WDR70: variants seen among roughly 807,000 people sequenced by gnomAD.
The protein encoded by WDR70 is WD repeat domain 70, also known as WD repeat-containing protein 70.
Under a neutral mutation model 88.6 loss-of-function variants are expected in WDR70, and 53 were observed. The ratio of observed to expected loss-of-function variants is 0.60; its 90% CI spans 0.48 to 0.75. The LOEUF is 0.75. Ranked by LOEUF, WDR70 falls within the 30% of genes least tolerant of loss-of-function variation. WDR70 has a pLI of 0.00. For missense variants in WDR70, 610 were observed against 823.2 expected (o/e 0.74, Z 3.17); for synonymous variants, 280 against 270.0 (o/e 1.04, Z -0.36).
chr5:37,742,304 G>A (rs2972939), intron 17 of WDR70, among the ~76,000 whole-genome samples: 107,896 of 149,286 alleles, frequency 0.72, 44,127 homozygotes, highest in East Asian at 0.93. Flanking sequence ...CTTGTGGTGA[G>A]GTGGTATCTC....
intron 9 of WDR70, among the ~76,000 whole-genome samples, chr5:37,570,005 C>T (rs958122569): frequency 6.6e-6 from 1 of 151,954 alleles, no homozygotes; most frequent in Non-Finnish European, 1.5e-5. Context: ...GATTAGAAAC[C>T]AGGTTATGCA....
chr5:37,583,098 C>T (rs989417771), intron 9 of WDR70, among the ~76,000 whole-genome samples: 4 of 152,168 alleles, frequency 2.6e-5, no homozygotes, highest in East Asian at 1.9e-4. Flanking sequence ...TTCTTCCGCC[C>T]GTACACATAG....
intron 10 of WDR70, among the ~76,000 whole-genome samples, chr5:37,606,962 A>G (rs1345384243): frequency 5.7e-5 from 7 of 123,456 alleles, no homozygotes; most frequent in African/African-American, 1.9e-4. Flanking sequence ...CTTTTTTGAC[A>G]GAGTCTTTCT....
chr5:37,699,939 T>A (rs1224114390), intron 11 of WDR70, among the ~76,000 whole-genome samples: 2 of 149,470 alleles, frequency 1.3e-5, no homozygotes, highest in African/African-American at 4.9e-5. Context: ...AGAGCAAGAC[T>A]CTGTCTCAAA....
intron 5 of WDR70, among the ~76,000 whole-genome samples, chr5:37,436,777 G>GT (rs1465906868): frequency 3.3e-5 from 5 of 152,004 alleles, no homozygotes; most frequent in East Asian, 1.9e-4. Flanking sequence ...TTTAGTTTTT[G>GT]TTTTTTTACT....
intron 7 of WDR70, among the ~76,000 whole-genome samples, chr5:37,468,676 T>C (rs868361425): frequency 1.3e-5 from 2 of 152,160 alleles, no homozygotes; most frequent in South Asian, 2.1e-4. Flanking sequence ...TACTATGCAA[T>C]AGGACACCAG....
intron 9 of WDR70, among the ~76,000 whole-genome samples, chr5:37,560,476 T>C (rs1447730152): frequency 6.6e-6 from 1 of 152,196 alleles, no homozygotes; most frequent in Non-Finnish European, 1.5e-5. Flanking sequence ...GTAAGCTGTA[T>C]GTCTATAGTT....
chr5:37,410,677 G>T (rs1273277260), intron 5 of WDR70, among the ~76,000 whole-genome samples: 1 of 152,102 alleles, frequency 6.6e-6, no homozygotes, highest in Non-Finnish European at 1.5e-5. Flanking sequence ...TAAATGGTAT[G>T]TACAGAGTAC....
intron 10 of WDR70, among the ~76,000 whole-genome samples, chr5:37,655,321 A>C (rs540472990): frequency 6.6e-6 from 1 of 152,282 alleles, no homozygotes; most frequent in African/African-American, 2.4e-5. Context: ...TGTTAGTCTG[A>C]TGGGCTTCCT....
At chr5:37,688,643 C>T (rs1168946437) in intron 10 of WDR70, among the ~76,000 whole-genome samples, 1 of 151,648 alleles carries the variant, frequency 6.6e-6, no homozygotes, top group East Asian at 1.9e-4. Context: ...TTCGTTTGTC[C>T]TAGGAACAGA....
At chr5:37,617,245 G>A (rs2112497532) in intron 10 of WDR70, among the ~76,000 whole-genome samples, 1 of 152,262 alleles carries the variant, frequency 6.6e-6, no homozygotes, top group African/African-American at 2.4e-5. Context: ...TTTGGAGCCA[G>A]GAACTCTGAC....
chr5:37,428,183 TTTG>T (rs1361930210), intron 5 of WDR70, among the ~76,000 whole-genome samples: 2 of 152,104 alleles, frequency 1.3e-5, no homozygotes, highest in South Asian at 2.1e-4. Context: ...AGGCTTTTGT[TTTG>T]TTGTTGTTGT....
intron 7 of WDR70, among the ~76,000 whole-genome samples, chr5:37,456,364 A>G (rs1288966678): frequency 6.6e-6 from 1 of 152,158 alleles, no homozygotes; most frequent in East Asian, 1.9e-4. Context: ...TTGAGCTTAT[A>G]TGTCTTCTTT....
At chr5:37,496,499 C>T (rs760246671) in intron 8 of WDR70, among the ~76,000 whole-genome samples, 4 of 152,126 alleles carry the variant, frequency 2.6e-5, no homozygotes, top group Non-Finnish European at 4.4e-5. Flanking sequence ...ACACTCACCG[C>T]GAGGGTCCAT....
intron 5 of WDR70, among the ~76,000 whole-genome samples, chr5:37,402,944 G>GTGT (rs772065104): frequency 1.2e-5 from 1 of 84,380 alleles, no homozygotes; most frequent in Non-Finnish European, 2.0e-5. Context: ...CCCTCCCTCC[G>GTGT]TTTTTTTTTT....
chr5:37,654,061 G>A (rs899318023), intron 10 of WDR70, among the ~76,000 whole-genome samples: 1 of 152,044 alleles, frequency 6.6e-6, no homozygotes, highest in African/African-American at 2.4e-5. Context: ...GATGTTTCCC[G>A]CTTTCTCTTG....
chr5:37,742,368 C>T (rs1345353564), intron 17 of WDR70, among the ~76,000 whole-genome samples: 2 of 148,252 alleles, frequency 1.3e-5, no homozygotes, highest in Admixed American at 6.8e-5. Flanking sequence ...AGCATCTTTT[C>T]ATGCACTTTC....
chr5:37,624,991 T>C (rs1334703692), intron 10 of WDR70, among the ~76,000 whole-genome samples: 1 of 152,190 alleles, frequency 6.6e-6, no homozygotes, highest in Non-Finnish European at 1.5e-5. Context: ...ATAATATTTA[T>C]AGGATTTATG....
At chr5:37,563,861 C>G (rs1581397463) in intron 9 of WDR70, among the ~76,000 whole-genome samples, 1 of 122,060 alleles carries the variant, frequency 8.2e-6, no homozygotes, top group East Asian at 2.4e-4. Flanking sequence ...GGGCGGTTGC[C>G]AGGCAGAGGG....
Sources: gnomAD v4.1 joint callset for allele counts (sites outside exome capture counted in the v4.1 genomes callset) on GRCh38, gnomAD v4.1.1 for gene constraint, MANE v1.5 for transcripts, NCBI Gene and HGNC (gene_info 2026-07-23, HGNC 2026-07-21) for gene names.